The following SLC16A2 variants were observed in gnomAD, a reference collection of about 807,000 sequenced individuals.
SLC16A2 encodes monocarboxylate transporter 8.
Under a neutral mutation model 27.2 loss-of-function variants are expected in SLC16A2, and 3 were observed. The ratio of observed to expected loss-of-function variants is 0.11; its 90% CI spans 0.05 to 0.28. The LOEUF is 0.28. Ranked by LOEUF, SLC16A2 falls within the 10% of genes least tolerant of loss-of-function variation. The pLI is 1.00. For missense variants in SLC16A2, 295 were observed against 458.5 expected, an observed-to-expected ratio of 0.64 and a Z score of 3.26; for synonymous variants, 202 against 187.8, an observed-to-expected ratio of 1.08 and a Z score of -0.62.
chrX:74,473,346 G>A (rs1233057039), intron 1 of SLC16A2: 5 of 544,297 alleles, frequency 9.2e-6, no homozygotes, highest in Non-Finnish European at 1.3e-5. Context: ...CATGATCAAA[G>A]TTTCCAGAAC....
intron 1 of SLC16A2, among the ~76,000 whole-genome samples, chrX:74,436,198 CGTGTGTGT>C (rs59105242): frequency 9.3e-6 from 1 of 107,320 alleles, no homozygotes; most frequent in African/African-American, 3.4e-5. Context: ...AGAGTGTGTA[CGTGTGTGT>C]GTGTGTGTGT....
At chrX:74,493,295 C>CAA (rs1929867671) in intron 1 of SLC16A2, among the ~76,000 whole-genome samples, 1 of 112,024 alleles carries the variant, frequency 8.9e-6, no homozygotes, top group Non-Finnish European at 1.9e-5. Flanking sequence ...GGTTGGGGAG[C>CAA]GTGTTGTAAT....
intron 1 of SLC16A2, among the ~76,000 whole-genome samples, chrX:74,424,715 T>C (rs767183026): frequency 1.8e-5 from 2 of 112,096 alleles, no homozygotes; most frequent in South Asian, 7.4e-4. Context: ...ATGAATTTGG[T>C]GTTTGGAGGC....
chrX:74,452,540 A>G (rs1928961764), intron 1 of SLC16A2, among the ~76,000 whole-genome samples: 1 of 111,785 alleles, frequency 8.9e-6, no homozygotes, highest in Non-Finnish European at 1.9e-5. Context: ...CACGCAGAGT[A>G]GGGATAATTA....
chrX:74,423,925 G>A (rs781095496), intron 1 of SLC16A2, among the ~76,000 whole-genome samples: 1 of 111,499 alleles, frequency 9.0e-6, no homozygotes, highest in East Asian at 2.8e-4. Flanking sequence ...GGTGTGAGGA[G>A]GCCTAGAGCT....
Position 74,421,623 on chromosome X carries a change from A to G in SLC16A2, c.-15A>G, listed in dbSNP as rs1358470096. Reference sequence around the variant, plus strand: ...CGGCTCCTCTGGCCCAAGCAGCCACAGTCCCCCCGCCGCGATGGCGCTGCA... The same window carrying G: ...CGGCTCCTCTGGCCCAAGCAGCCACGGTCCCCCCGCCGCGATGGCGCTGCA... On this transcript the variant is annotated 5_prime_UTR_variant, in exon 1 of 6. Transcript: ENST00000587091. 1 of 1,202,697 alleles carries G rather than the reference A, an allele frequency of 8.3e-7. No individual in the cohort carries two copies.
At chrX:74,438,255 G>C (rs1191219544) in intron 1 of SLC16A2, among the ~76,000 whole-genome samples, 1 of 112,508 alleles carries the variant, frequency 8.9e-6, no homozygotes, top group Non-Finnish European at 1.9e-5. Context: ...CTGTAAAAAA[G>C]GGGCAGTGGG....
At chrX:74,433,279 G>A (rs1270760088) in intron 1 of SLC16A2, among the ~76,000 whole-genome samples, 1 of 110,084 alleles carries the variant, frequency 9.1e-6, no homozygotes, top group Non-Finnish European at 1.9e-5. Context: ...GGCTGAGGCA[G>A]GAGAATTGCT....
chrX:74,451,623 G>A (rs1928944145), intron 1 of SLC16A2, among the ~76,000 whole-genome samples: 1 of 112,689 alleles, frequency 8.9e-6, no homozygotes, highest in Admixed American at 9.4e-5. Flanking sequence ...GTTAGTGATG[G>A]GCCATGAACT....
intron 4 of SLC16A2, among the ~76,000 whole-genome samples, chrX:74,527,784 T>C (rs888332174): frequency 4.4e-5 from 5 of 112,748 alleles, no homozygotes; most frequent in Non-Finnish European, 1.9e-5. Flanking sequence ...TTAGACCTGA[T>C]TAAAATCAGT....
At chrX:74,497,248 G>A (rs1929953809) in intron 1 of SLC16A2, among the ~76,000 whole-genome samples, 1 of 111,815 alleles carries the variant, frequency 8.9e-6, no homozygotes, top group Admixed American at 9.5e-5. Context: ...CATTTAAAGG[G>A]ACCATGCTCT....
chrX:74,430,064 T>G (rs1291428722), intron 1 of SLC16A2, among the ~76,000 whole-genome samples: 1 of 112,408 alleles, frequency 8.9e-6, no homozygotes, highest in Non-Finnish European at 1.9e-5. Flanking sequence ...ATAATAATAG[T>G]GGTGGTAGTA....
At chrX:74,462,140 T>A (rs1929160403) in intron 1 of SLC16A2, among the ~76,000 whole-genome samples, 1 of 111,829 alleles carries the variant, frequency 8.9e-6, no homozygotes, top group Admixed American at 9.5e-5. Context: ...CCCCTCGGAG[T>A]TTGGGTAGAG....
chrX:74,472,923 A>T, intron 1 of SLC16A2: 1 of 380,849 alleles, frequency 2.6e-6, no homozygotes, highest in Non-Finnish European at 4.8e-6. Flanking sequence ...CCCTGCCACC[A>T]CTGTGCTTTG....
chrX:74,421,502 G>A lies in SLC16A2; in HGVS notation c.-136G>A. On this transcript the variant is annotated 5_prime_UTR_variant, in exon 1 of 6. Coordinates refer to ENST00000587091, the MANE Select transcript of SLC16A2 (RefSeq NM_006517.5). ...TGTCGCGGGACGGGCTGGCCAGCTG[G>A]GGCGCGGAGCCTGGAGGAGGAGGCA... 1.2e-6 allele frequency: 1 copy of A among 843,334 alleles called. No individual in the cohort carries two copies. Among genetic ancestry groups the A allele is most frequent in the Non-Finnish European group, 1.7e-6 (1 of 577,483 alleles). 69.5% of individuals were successfully genotyped at this position (843,334 alleles called of 1,213,427 possible).
intron 1 of SLC16A2, among the ~76,000 whole-genome samples, chrX:74,482,442 T>G (rs1929638733): frequency 1.8e-5 from 2 of 111,904 alleles, no homozygotes; most frequent in Admixed American, 9.5e-5. Flanking sequence ...TTGGTGTGCT[T>G]AATAATGCCC....
At chrX:74,458,296 C>T (rs1227094938) in intron 1 of SLC16A2, among the ~76,000 whole-genome samples, 1 of 112,199 alleles carries the variant, frequency 8.9e-6, no homozygotes, top group Non-Finnish European at 1.9e-5. Context: ...TTAATTAACA[C>T]ATCCATCACC....
chrX:74,498,080 G>A (rs953005152), intron 1 of SLC16A2, among the ~76,000 whole-genome samples: 2 of 111,459 alleles, frequency 1.8e-5, no homozygotes, highest in African/African-American at 6.5e-5. Flanking sequence ...GAGGAATTTA[G>A]TTTATGGTTT....
At chrX:74,516,509 C>G (rs1930319548) in intron 1 of SLC16A2, among the ~76,000 whole-genome samples, 1 of 111,171 alleles carries the variant, frequency 9.0e-6, no homozygotes, top group Non-Finnish European at 1.9e-5. Context: ...CTACACTCCT[C>G]TCCAACTAGT....
Sources: gnomAD v4.1 joint callset for allele counts (sites outside exome capture counted in the v4.1 genomes callset) on GRCh38, gnomAD v4.1.1 for gene constraint, MANE v1.5 for transcripts, NCBI Gene and HGNC (gene_info 2026-07-23, HGNC 2026-07-21) for gene names.